C3orf20: variants seen among roughly 807,000 people sequenced by gnomAD.
The protein encoded by C3orf20 is uncharacterized protein C3orf20.
A neutral mutation model predicts 88.3 loss-of-function variants in C3orf20; 76 were observed. That is an observed-to-expected ratio of 0.86 (90% CI 0.72 to 1.04). C3orf20 has a LOEUF of 1.04. Among genes scored for constraint, C3orf20 ranks in the 50% least tolerant of loss-of-function variants. The pLI is 0.00. For synonymous variants in C3orf20, 436 were observed against 437.4 expected (o/e 1.00, Z 0.04); for missense variants, 1,056 against 1,123.3 (o/e 0.94, Z 0.86).
intron 12 of C3orf20, among the ~76,000 whole-genome samples, chr3:14,731,215 C>T (rs2034531860): frequency 6.6e-6 from 1 of 152,202 alleles, no homozygotes; most frequent in Non-Finnish European, 1.5e-5. Context: ...TTTTCCAGAA[C>T]ATCATGTAAA....
At position 14,721,778 on chromosome 3, in the gene C3orf20, C is replaced by T. The variant is rs767653227; in HGVS notation, c.1560C>T (p.Asp520=). Residue 520 remains aspartate (D), a synonymous_variant, in exon 10 of 17, where the codon GAC becomes GAT. Transcript: ENST00000253697. ...ANNCPHGMAY[D]KRLNRRISNM... ...ATTGTCCCCATGGAATGGCATATGA[C>T]AAACGGGTAAGGCAAGGCAGACTAT... 6.2e-7 allele frequency: 1 copy of T among 1,614,040 alleles called. No homozygotes were observed. Among genetic ancestry groups the T allele is most frequent in the African/African-American group, 1.3e-5 (1 of 74,926 alleles).
At chr3:14,705,313 C>G (rs2033454986) in intron 7 of C3orf20, among the ~76,000 whole-genome samples, 1 of 152,278 alleles carries the variant, frequency 6.6e-6, no homozygotes, top group South Asian at 2.1e-4. Context: ...CATTCACCAA[C>G]CTCCAAAGCC....
At chr3:14,717,348 T>G (rs1357825943) in intron 9 of C3orf20, among the ~76,000 whole-genome samples, 1 of 152,148 alleles carries the variant, frequency 6.6e-6, no homozygotes, top group Non-Finnish European at 1.5e-5. Context: ...GCATGTGAAG[T>G]CAGGAGTGGC....
intron 5 of C3orf20, among the ~76,000 whole-genome samples, chr3:14,691,866 T>G (rs2032750447): frequency 6.6e-6 from 1 of 151,926 alleles, no homozygotes; most frequent in Non-Finnish European, 1.5e-5. Context: ...ATTCTTACTG[T>G]TTTTTTTGTA....
At chr3:14,685,161 G>C (rs966469466) in intron 4 of C3orf20, among the ~76,000 whole-genome samples, 17 of 152,166 alleles carry the variant, frequency 1.1e-4, no homozygotes, top group Admixed American at 1.1e-3. Flanking sequence ...AATGAGTGAG[G>C]CACTAAAGCA....
chr3:14,766,276 G>A (rs1321714099), intron 15 of C3orf20, among the ~76,000 whole-genome samples: 1 of 152,194 alleles, frequency 6.6e-6, no homozygotes, highest in African/African-American at 2.4e-5. Context: ...CCCTGTCCTT[G>A]CCAGACTCTT....
In C3orf20 at chr3:14,682,894, C is replaced by T. The variant is rs1161506976; in HGVS notation, c.181C>T (p.Pro61Ser). ...AGAGCTCATCAGTGACCCTTCAGTG[C>T]CTACCCCGTCCGACATCTTGGGCCT... is the stretch of plus-strand genomic sequence containing the variant. ...WEELISDPSVPTPSDILGLEV... is the reference protein window; with the variant it reads ...WEELISDPSVSTPSDILGLEV... Residue 61 changes from proline (P) to serine (S), a missense_variant, in exon 3 of 17, where the codon CCT becomes TCT. Pro to Ser is a moderately conservative substitution (Grantham distance 74). Coordinates refer to ENST00000253697, the MANE Select transcript of C3orf20 (RefSeq NM_032137.5). 6.2e-7 allele frequency: 1 copy of T among 1,614,194 alleles called. No homozygotes were observed. The highest frequency in any genetic ancestry group is 1.7e-5 in the Admixed American group (1 of 60,030).
At chr3:14,763,364 C>T (rs1202976065) in intron 15 of C3orf20, among the ~76,000 whole-genome samples, 5 of 152,240 alleles carry the variant, frequency 3.3e-5, no homozygotes, top group Admixed American at 1.3e-4. Flanking sequence ...TCATAGATGG[C>T]GCCTTCTTGC....
chr3:14,768,176 G>A lies in C3orf20; in HGVS notation c.2496-3891G>A, dbSNP rs1464502841. 2.6e-5 allele frequency among the ~76,000 whole-genome samples: 4 copies of A among 152,156 alleles called. No homozygotes were observed. The highest frequency in any genetic ancestry group is 4.8e-5 in the African/African-American group (2 of 41,406). ...GGAGGCAGGAGGGGTAGGCAGGGGAGTGGGGAGGGCACAGGGTGAGGAGAC... is the reference window on the plus strand; with the variant it reads ...GGAGGCAGGAGGGGTAGGCAGGGGAATGGGGAGGGCACAGGGTGAGGAGAC... On this transcript the variant is annotated intron_variant, in intron 15 of 16. Transcript: ENST00000253697. The surrounding 1 kb of genome is among the most constrained non-coding windows in gnomAD (Gnocchi z 4.1).
At chr3:14,726,067 A>G (rs936218975) in intron 10 of C3orf20, among the ~76,000 whole-genome samples, 1 of 152,222 alleles carries the variant, frequency 6.6e-6, no homozygotes, top group South Asian at 2.1e-4. Flanking sequence ...TGTTCAGAGC[A>G]GGTCTTAGAT....
rs1352992258 is a variant in C3orf20, at chr3:14,772,061, C to A, written c.2496-6C>A. On this transcript the variant is annotated splice_polypyrimidine_tract_variant and splice_region_variant and intron_variant, in intron 15 of 16. Transcript: ENST00000253697. The surrounding 1 kb of genome is among the most constrained non-coding windows in gnomAD (Gnocchi z 4.2). ...AGCACTGCCCCCGACCCTGCCTCCC[C>A]TGCAGTGTTCCCAACTCTGTCCTGA... 6.2e-7 allele frequency: 1 copy of A among 1,614,206 alleles called. No homozygotes were observed. Among genetic ancestry groups the A allele is most frequent in the Non-Finnish European group, 8.5e-7 (1 of 1,180,022 alleles).
intron 5 of C3orf20, among the ~76,000 whole-genome samples, chr3:14,690,656 A>G (rs2032682584): frequency 1.3e-5 from 2 of 152,272 alleles, no homozygotes; most frequent in Admixed American, 1.3e-4. Flanking sequence ...CAGGTGGCAG[A>G]CAAAGACAAC....
chr3:14,718,625 G>A (rs943110564), intron 9 of C3orf20, among the ~76,000 whole-genome samples: 13 of 152,172 alleles, frequency 8.5e-5, no homozygotes, highest in Non-Finnish European at 1.9e-4. Context: ...GACTGTAGGT[G>A]GACATTGTGA....
At chr3:14,694,376 G>C (rs1054231196) in intron 5 of C3orf20, among the ~76,000 whole-genome samples, 1 of 152,194 alleles carries the variant, frequency 6.6e-6, no homozygotes, top group Non-Finnish European at 1.5e-5. Context: ...CTTGTTATTG[G>C]TCTGTTCAGG....
At chr3:14,683,430 A>G (rs2032219314) in intron 3 of C3orf20, among the ~76,000 whole-genome samples, 1 of 152,182 alleles carries the variant, frequency 6.6e-6, no homozygotes, top group South Asian at 2.1e-4. Context: ...GTGCGAGGTC[A>G]GAGGCACTAA....
At chr3:14,695,725 C>T (rs753713352) in intron 5 of C3orf20, among the ~76,000 whole-genome samples, 7 of 152,074 alleles carry the variant, frequency 4.6e-5, no homozygotes, top group African/African-American at 7.2e-5. Flanking sequence ...GCTGAATTGA[C>T]TTCTTTATTA....
chr3:14,715,349 T>C lies in C3orf20; in HGVS notation c.1374T>C (p.Tyr458=), dbSNP rs1402957248. ...GGACCACCAATGACCAGCAGGGCTA[T>C]GTAGTCCACAAGTGGAGCTGGACTT... ...EGGTTNDQQG[Y]VVHKWSWTSR... Residue 458 remains tyrosine, a synonymous_variant, in exon 9 of 17, where the codon TAT becomes TAC. Transcript: ENST00000253697. 2 of 1,612,698 alleles carry C rather than the reference T, an allele frequency of 1.2e-6. No homozygotes were observed. Among genetic ancestry groups the C allele is most frequent in the Non-Finnish European group, 1.7e-6 (2 of 1,179,888 alleles).
intron 15 of C3orf20, among the ~76,000 whole-genome samples, chr3:14,771,203 T>C (rs1275688561): frequency 1.3e-5 from 2 of 152,266 alleles, no homozygotes; most frequent in South Asian, 2.1e-4. Context: ...CCATCTGTGA[T>C]GCAGCAGGTC....
Position 14,683,005 on chromosome 3 carries a change from C to T in C3orf20, c.292C>T (p.Pro98Ser). Residue 98 changes from proline (P) to serine (S), a missense_variant, in exon 3 of 17, where the codon CCA (proline) becomes TCA (serine). Pro to Ser is a moderately conservative substitution (Grantham distance 74, BLOSUM62 -1). Coordinates refer to ENST00000253697, the MANE Select transcript of C3orf20 (RefSeq NM_032137.5). Reference sequence around the variant, plus strand: ...CACACTGAAGAAGCCACTACCTCCACCACCACCAGCACCACCACGTCCAGT... The same window carrying T: ...CACACTGAAGAAGCCACTACCTCCATCACCACCAGCACCACCACGTCCAGT... Reference protein sequence around the residue: ...VPTLKKPLPPPPPAPPRPVLL... With the variant: ...VPTLKKPLPPSPPAPPRPVLL... 2 of 1,613,464 alleles carry T rather than the reference C, an allele frequency of 1.2e-6. No homozygotes were observed. The highest frequency in any genetic ancestry group is 1.7e-6 in the Non-Finnish European group (2 of 1,179,684).
Sources: gnomAD v4.1 joint callset for allele counts (sites outside exome capture counted in the v4.1 genomes callset) on GRCh38, gnomAD v4.1.1 for gene constraint, Gnocchi (gnomAD v3.1) non-coding constraint, MANE v1.5 for transcripts, NCBI Gene and HGNC (gene_info 2026-07-23, HGNC 2026-07-21) for gene names.